The following USP2 variants were observed in gnomAD, a reference collection of about 807,000 sequenced individuals.
The protein encoded by USP2 is ubiquitin specific peptidase 2, also known as ubiquitin carboxyl-terminal hydrolase 2.
USP2 carries 33 observed loss-of-function variants against 72.0 expected under a neutral mutation model. That is an observed-to-expected ratio of 0.46 (90% CI 0.35 to 0.61). USP2 has a LOEUF of 0.61. Among genes scored for constraint, USP2 ranks in the 20% least tolerant of loss-of-function variants. The pLI is 0.01. For missense variants in USP2, 691 were observed against 797.8 expected (o/e 0.87, Z 1.61); for synonymous variants, 296 against 312.5 (o/e 0.95, Z 0.56).
rs1283278233 is a variant in USP2 at position 119,359,649 on chromosome 11, G to A, written c.837C>T (p.Asn279=). 3 of 1,613,558 alleles carry A rather than the reference G, an allele frequency of 1.9e-6. No homozygotes were observed. The African/African-American group carries it at 4.0e-5, about 22-fold the overall frequency. ...LRNLGNTCFM[N]SILQCLSNTR... ...TGTTGCTCAGGCACTGCAGAATTGA[G>A]TTCATGAAGCACTGCAAGAGATGAC... The change falls in exon 4 of 13, where the codon AAC becomes AAT. Residue 279 remains asparagine, a synonymous_variant. Coordinates refer to ENST00000260187, the MANE Select transcript of USP2 (RefSeq NM_004205.5).
Position 119,357,952 on chromosome 11 carries a change from G to C in USP2, c.1422+29C>G, listed in dbSNP as rs542436075. On this transcript the variant is annotated intron_variant, in intron 9 of 12. Coordinates refer to ENST00000260187, the MANE Select transcript of USP2 (RefSeq NM_004205.5). ...TTCCCAGTAGGTCCCACGGAAATTT[G>C]TTCTTGCTATTACCGAAGGGTGACT... The C allele has an allele frequency of 8.1e-6, 13 of 1,614,058 alleles. No homozygotes were observed. The East Asian group carries it at 2.5e-4, about 30-fold the overall frequency.
chr11:119,373,046 G>C lies in USP2; in HGVS notation c.435C>G (p.Asp145Glu). Reference protein sequence around the residue: ...TLTQKLDSQSDLARDFSSLRT... With the variant: ...TLTQKLDSQSELARDFSSLRT... The stretch of plus-strand genomic sequence containing the variant: ...GGAGGCTGGAGAAATCCCGGGCCAG[G>C]TCTGATTGGCTGTCCAGCTTCTGGG... The change falls in exon 2 of 13, where the codon GAC becomes GAG. Residue 145 changes from aspartate to glutamate, a missense_variant. Coordinates refer to ENST00000260187, the MANE Select transcript of USP2 (RefSeq NM_004205.5). 6.2e-7 allele frequency: 1 copy of C among 1,613,966 alleles called. No homozygotes were observed. The highest frequency in any genetic ancestry group is 8.5e-7 in the Non-Finnish European group (1 of 1,180,038).
intron 3 of USP2, 34 bp from the exon 4 acceptor site, chr11:119,359,694 CGA>C (rs1261487934): frequency 7.5e-6 from 12 of 1,607,754 alleles, no homozygotes; most frequent in Non-Finnish European, 1.0e-5. Context: ...AGTGGGGAGA[CGA>C]GAGTCCCACC....
rs202223004 is a variant in USP2 at position 119,357,506 on chromosome 11, C to T, written c.1586G>A (p.Arg529Lys). The T allele has an allele frequency of 2.8e-5, 46 of 1,614,058 alleles. No homozygotes were observed. The highest frequency in any genetic ancestry group is 3.6e-5 in the Non-Finnish European group (42 of 1,180,052). Residue 529 changes from arginine (R) to lysine (K), a missense_variant, in exon 11 of 13, where the codon AGA (arginine) becomes AAA (lysine). Physicochemically the swap from Arg to Lys is conservative, Grantham distance 26. Coordinates refer to ENST00000260187, the MANE Select transcript of USP2 (RefSeq NM_004205.5). Reference protein sequence around the residue: ...VNFPLRDLDLREFASENTNHA... With the variant: ...VNFPLRDLDLKEFASENTNHA... ...ACTGGTGTTTTCTGAGGCAAATTCT[C>T]TTAAGTCCAGGTCTCTTAGGGGGAA...
rs1359606680 is a variant in USP2, at chr11:119,373,516, C to T, written c.-36G>A. ...GGCACTCAGTGGGGACTGGGAGCCT[C>T]ATGGGCTGAAAGACAAGGAGTGTAG... On this transcript the variant is annotated 5_prime_UTR_variant, in exon 2 of 13. An upstream start codon of the reference 5' UTR is lost. Coordinates refer to ENST00000260187, the MANE Select transcript of USP2 (RefSeq NM_004205.5). 6.5e-7 allele frequency: 1 copy of T among 1,533,950 alleles called. No homozygotes were observed. The highest frequency in any genetic ancestry group is 8.7e-7 in the Non-Finnish European group (1 of 1,147,930).
chr11:119,377,443 C>T (rs1951015923), intron 1 of USP2, among the ~76,000 whole-genome samples: 1 of 152,184 alleles, frequency 6.6e-6, no homozygotes, highest in East Asian at 1.9e-4. Flanking sequence ...CAGACTCTGG[C>T]AGGAGCAGCC....
At chr11:119,379,917 C>CTTTTTTT (rs397816714) in intron 1 of USP2, among the ~76,000 whole-genome samples, 11 of 116,540 alleles carry the variant, frequency 9.4e-5, no homozygotes, top group South Asian at 2.8e-4. Flanking sequence ...GTTCCTTTCT[C>CTTTTTTT]TTTTTTTTTT....
intron 1 of USP2, chr11:119,379,049 C>A (rs556296655): frequency 1.0e-6 from 1 of 985,546 alleles, no homozygotes; most frequent in African/African-American, 1.7e-5. Flanking sequence ...GCTTCTCCTT[C>A]CCCAGCAGGG....
chr11:119,358,707 T>C, intron 7 of USP2, 66 bp downstream of exon 7: 1 of 1,575,472 alleles, frequency 6.3e-7, no homozygotes. Flanking sequence ...CTTAGGGCTT[T>C]TCATGCTCCA....
rs1031555880 is a variant in USP2 at position 119,381,508 on chromosome 11, G to T, written c.-77C>A. On this transcript the variant is annotated 5_prime_UTR_variant, in exon 1 of 13. Transcript: ENST00000260187. Reference sequence around the variant, plus strand: ...TTGGAGTATGGACGAGTCGAACCGGGCACAAGCATGGAGCTGCGGGTGAGT... The same window carrying T: ...TTGGAGTATGGACGAGTCGAACCGGTCACAAGCATGGAGCTGCGGGTGAGT... 14 of 1,536,052 alleles carry T rather than the reference G, an allele frequency of 9.1e-6. No individual in the cohort carries two copies. In the Admixed American group the frequency reaches 1.4e-4, roughly 15 times the overall value.
At chr11:119,367,664 AG>A (rs1473811763) in intron 2 of USP2, among the ~76,000 whole-genome samples, 2 of 152,136 alleles carry the variant, frequency 1.3e-5, no homozygotes, top group Non-Finnish European at 2.9e-5. Flanking sequence ...AGAGGCCAAA[AG>A]CTCTGTGCAC....
chr11:119,367,212 G>T (rs974618455), intron 2 of USP2, among the ~76,000 whole-genome samples: 2 of 152,166 alleles, frequency 1.3e-5, no homozygotes, highest in African/African-American at 4.8e-5. Flanking sequence ...ACTGAGCTGG[G>T]CTCATTCCTG....
chr11:119,358,557 C>T (rs969250840), intron 7 of USP2: 17 of 629,504 alleles, frequency 2.7e-5, no homozygotes, highest in Non-Finnish European at 4.1e-5. Flanking sequence ...CTCAGGTGAT[C>T]TACCCGCCTT....
intron 1 of USP2, among the ~76,000 whole-genome samples, chr11:119,377,724 C>A (rs1252303522): frequency 1.3e-5 from 2 of 152,166 alleles, no homozygotes; most frequent in Non-Finnish European, 2.9e-5. Context: ...TTAAAATGAA[C>A]CCTGTCCCCG....
chr11:119,363,684 A>AGGAGGGGGCAT (rs1950803177), intron 2 of USP2, among the ~76,000 whole-genome samples: 1 of 150,332 alleles, frequency 6.7e-6, no homozygotes, highest in African/African-American at 2.5e-5. Flanking sequence ...TAAGCGTGCG[A>AGGAGGGGGCAT]TCACCTGAGG....
chr11:119,359,463 A>G, intron 4 of USP2, 74 bp downstream of exon 4: 2 of 1,603,350 alleles, frequency 1.2e-6, no homozygotes, highest in Non-Finnish European at 1.7e-6. Flanking sequence ...CTAAGACACA[A>G]CACCTAGAAC....
At chr11:119,377,426 C>T (rs552758503) in intron 1 of USP2, among the ~76,000 whole-genome samples, 3 of 152,304 alleles carry the variant, frequency 2.0e-5, no homozygotes, top group South Asian at 2.1e-4. Context: ...TAACAGCATG[C>T]GGTGTACAGA....
At chr11:119,364,739 A>ACC (rs1215903254) in intron 2 of USP2, among the ~76,000 whole-genome samples, 1 of 152,162 alleles carries the variant, frequency 6.6e-6, no homozygotes, top group Non-Finnish European at 1.5e-5. Flanking sequence ...AAGAAGATGG[A>ACC]CCTTCACGGC....
Position 119,357,296 on chromosome 11 carries a change from A to C in USP2, c.1621T>G (p.Tyr541Asp). ...FASENTNHAV[Y>D]NLYAVSNHSG... is the part of the protein sequence containing the mutation. ...TGATTGGACACAGCGTACAGGTTGT[A>C]AACAGCATGGTCTGAGGAGGAGGCA... The change falls in exon 12 of 13, where the codon TAC becomes GAC. Residue 541 changes from tyrosine (Y) to aspartate (D), a missense_variant. Coordinates refer to ENST00000260187, the MANE Select transcript of USP2 (RefSeq NM_004205.5). 1 of 1,613,570 alleles carries C rather than the reference A, an allele frequency of 6.2e-7. No homozygotes were observed. Among genetic ancestry groups the C allele is most frequent in the Non-Finnish European group, 8.5e-7 (1 of 1,179,944 alleles).
Sources: gnomAD v4.1 joint callset for allele counts (sites outside exome capture counted in the v4.1 genomes callset) on GRCh38, gnomAD v4.1.1 for gene constraint, MANE v1.5 for transcripts, NCBI Gene and HGNC (gene_info 2026-07-23, HGNC 2026-07-21) for gene names.